The following NT5C3B variants were observed in gnomAD, a reference collection of about 807,000 sequenced individuals.
NT5C3B encodes the protein 5'-nucleotidase, cytosolic IIIB.
NT5C3B carries 28 observed loss-of-function variants against 32.5 expected under a neutral mutation model. The ratio of observed to expected loss-of-function variants is 0.86; its 90% CI spans 0.64 to 1.18. NT5C3B has a LOEUF of 1.18. NT5C3B is among the 50% of genes most tolerant of loss of function. The pLI is 0.00. For missense variants in NT5C3B, 317 were observed against 322.0 expected (o/e 0.98, Z 0.12); for synonymous variants, 138 against 118.0 (o/e 1.17, Z -1.10).
chr17:41,827,706 A>G, intron 7 of NT5C3B, 80 bp from the exon 8 acceptor site: 1 of 723,802 alleles, frequency 1.4e-6, no homozygotes, highest in South Asian at 1.6e-5. Context: ...TCTGTCACAG[A>G]GAAAAGGGAA....
chr17:41,832,893 T>A (rs965086209), intron 4 of NT5C3B, among the ~76,000 whole-genome samples: 1 of 152,184 alleles, frequency 6.6e-6, no homozygotes, highest in Non-Finnish European at 1.5e-5. Context: ...AAGATGCAAC[T>A]TCATCTAAGA....
chr17:41,825,644 C>T lies in NT5C3B; in HGVS notation c.782G>A (p.Arg261Gln), dbSNP rs149392224. The change falls in exon 9 of 9, where the codon CGG becomes CAG. Residue 261 changes from arginine to glutamine, a missense_variant. Arg to Gln is a conservative substitution (Grantham distance 43). Coordinates refer to ENST00000435506, the MANE Select transcript of NT5C3B (RefSeq NM_052935.5). Reference sequence around the variant, plus strand: ...GTCATAGGAGTCCATGTAGCGCTCCCGCCGCTCCTCCACCTGCCCGGAATG... The same window carrying T: ...GTCATAGGAGTCCATGTAGCGCTCCTGCCGCTCCTCCACCTGCCCGGAATG... ...GFLNDKVEER[R>Q]ERYMDSYDIV... 62 of 872,828 alleles carry T rather than the reference C, an allele frequency of 7.1e-5. No homozygotes were observed. Among genetic ancestry groups the T allele is most frequent in the Middle Eastern group, 2.2e-4 (1 of 4,612 alleles). 54.1% of individuals were successfully genotyped at this position (872,828 alleles called of 1,614,324 possible).
chr17:41,827,712 G>T (rs923391849), intron 7 of NT5C3B, 86 bp from the exon 8 acceptor site: 2 of 715,752 alleles, frequency 2.8e-6, no homozygotes, highest in Non-Finnish European at 5.1e-6. Context: ...ACAGAGAAAA[G>T]GGAATCCCAA....
At chr17:41,833,608 C>T (rs2048088831) in intron 4 of NT5C3B, among the ~76,000 whole-genome samples, 1 of 152,202 alleles carries the variant, frequency 6.6e-6, no homozygotes, top group Non-Finnish European at 1.5e-5. Context: ...CGTGAACCAC[C>T]ACACCCGGCC....
chr17:41,831,011 T>C (rs1354447543), intron 5 of NT5C3B, 121 bp from the exon 6 acceptor site: 3 of 699,142 alleles, frequency 4.3e-6, no homozygotes, highest in Non-Finnish European at 5.1e-6. Flanking sequence ...CATCCTTACG[T>C]TAGCTGCCCT....
rs1481573839 is a variant in NT5C3B, at chr17:41,825,084, G to A, written c.*439C>T. 1 of 157,474 alleles carries A rather than the reference G, an allele frequency of 6.4e-6. No homozygotes were observed. Among genetic ancestry groups the A allele is most frequent in the African/African-American group, 2.4e-5 (1 of 41,582 alleles). The allele number at this position is 157,474 out of a possible 1,614,324, so 9.8% of individuals were successfully genotyped here. ...GGATGGGGTCTCAGGCCAATTTGTG[G>A]TGGTTCTCAAACTGTGTTCCTAGAA... On this transcript the variant is annotated 3_prime_UTR_variant, in exon 9 of 9. Coordinates refer to ENST00000435506, the MANE Select transcript of NT5C3B (RefSeq NM_052935.5).
At chr17:41,834,123 A>G (rs1038120301) in intron 4 of NT5C3B, among the ~76,000 whole-genome samples, 1 of 152,084 alleles carries the variant, frequency 6.6e-6, no homozygotes, top group Admixed American at 6.6e-5. Context: ...AGGCTGGGCA[A>G]GATGGCTCAT....
At chr17:41,834,916 T>C (rs2048118903) in intron 4 of NT5C3B, among the ~76,000 whole-genome samples, 154 bp downstream of exon 4, 1 of 152,240 alleles carries the variant, frequency 6.6e-6, no homozygotes, top group Admixed American at 6.5e-5. Context: ...AAAAGCTGTC[T>C]TAATGTATTA....
At chr17:41,835,732 T>C (rs1597927434) in intron 2 of NT5C3B, 127 bp downstream of exon 2, 1 of 998,728 alleles carries the variant, frequency 1.0e-6, no homozygotes, top group South Asian at 1.4e-5. Flanking sequence ...TCCTTCAAGC[T>C]CCCGGCCATT....
chr17:41,832,918 A>G (rs976591042), intron 4 of NT5C3B, among the ~76,000 whole-genome samples: 4 of 152,030 alleles, frequency 2.6e-5, no homozygotes, highest in African/African-American at 9.7e-5. Context: ...GTTACATGAA[A>G]TTTTCTTCAA....
rs782389825 is a variant in NT5C3B at position 41,835,093 on chromosome 17, T to C, written c.205A>G (p.Ile69Val). Residue 69 changes from isoleucine (I) to valine (V), a missense_variant, in exon 4 of 9, where the codon ATC becomes GTC. Physicochemically the swap from Ile to Val is conservative, Grantham distance 29 (BLOSUM62 3). Transcript: ENST00000435506. The stretch of plus-strand genomic sequence containing the variant: ...ACCTCTTTCCGACACTCCTCACTGA[T>C]GATCTTGCTATTATCCAGAATATCT... ...SYNILDNSKI[I>V]SEECRKELTA... The C allele has an allele frequency of 6.2e-7, 1 of 1,614,208 alleles. No homozygotes were observed. Among genetic ancestry groups the C allele is most frequent in the Non-Finnish European group, 8.5e-7 (1 of 1,180,028 alleles).
intron 7 of NT5C3B, 171 bp downstream of exon 7, chr17:41,828,619 G>C (rs1394695303): frequency 3.3e-6 from 2 of 609,748 alleles, no homozygotes; most frequent in African/African-American, 1.8e-5. Context: ...TTACAGGTCT[G>C]AGCCACCGCG....
chr17:41,833,950 A>G (rs935524212), intron 4 of NT5C3B, among the ~76,000 whole-genome samples: 11 of 152,238 alleles, frequency 7.2e-5, no homozygotes, highest in Non-Finnish European at 1.5e-4. Context: ...TAATACATGC[A>G]TGATTCTCAG....
In NT5C3B at chr17:41,835,286, G is replaced by A. The variant is rs993620360; in HGVS notation, c.112-14C>T. ...ATCAGAAATCACCTATAAGGCAAAA[G>A]AGAGATGATGCCTAAATAGGCACCA... On this transcript the variant is annotated splice_polypyrimidine_tract_variant and intron_variant, in intron 2 of 8. Coordinates refer to ENST00000435506, the MANE Select transcript of NT5C3B (RefSeq NM_052935.5). 18 of 1,610,842 alleles carry A rather than the reference G, an allele frequency of 1.1e-5. No individual in the cohort carries two copies. The highest frequency in any genetic ancestry group is 2.2e-5 in the East Asian group (1 of 44,870).
In NT5C3B at chr17:41,825,583, G is replaced by T. The variant is rs1227989680; in HGVS notation, c.843C>A (p.Val281=). The change falls in exon 9 of 9, where the codon GTC becomes GTA. Residue 281 remains valine, a synonymous_variant. Transcript: ENST00000435506. ...ACAGGATGTGCTGCAGTAGCCCGTT[G>T]ACCACATCCAGAGTCTCGTCCTTCT... ...VLEKDETLDV[V]NGLLQHILCQ... 3 of 872,766 alleles carry T rather than the reference G, an allele frequency of 3.4e-6. No individual in the cohort carries two copies. The highest frequency in any genetic ancestry group is 6.0e-6 in the Non-Finnish European group (3 of 501,700). 54.1% of individuals were successfully genotyped at this position (872,766 alleles called of 1,614,324 possible).
intron 6 of NT5C3B, among the ~76,000 whole-genome samples, 168 bp from the exon 7 acceptor site, chr17:41,829,120 C>T (rs1218497927): frequency 2.6e-5 from 4 of 152,038 alleles, no homozygotes; most frequent in Non-Finnish European, 5.9e-5. Context: ...CTCCCGAGTT[C>T]AAGTGATCCA....
chr17:41,832,888 G>A (rs1429743997), intron 4 of NT5C3B, among the ~76,000 whole-genome samples: 1 of 152,106 alleles, frequency 6.6e-6, no homozygotes, highest in Non-Finnish European at 1.5e-5. Flanking sequence ...AAAAGAAGAT[G>A]CAACTTCATC....
Position 41,834,326 on chromosome 17 carries a change from G to A in NT5C3B, c.228+744C>T, listed in dbSNP as rs138386482. Among the ~76,000 whole-genome samples, 270 of 151,478 alleles carry A rather than the reference G, an allele frequency of 1.8e-3. 3 individuals carry two copies. Among genetic ancestry groups the A allele is most frequent in the African/African-American group, 6.2e-3 (257 of 41,300 alleles). On this transcript the variant is annotated intron_variant, in intron 4 of 8. Coordinates refer to ENST00000435506, the MANE Select transcript of NT5C3B (RefSeq NM_052935.5). ...CATGAGAATTGCTTGAACCGAGGTTGCAGTGAGCTGAGATTATGCCACTCC... is the reference window on the plus strand; with the variant it reads ...CATGAGAATTGCTTGAACCGAGGTTACAGTGAGCTGAGATTATGCCACTCC...
intron 1 of NT5C3B, 35 bp from the exon 2 acceptor site, chr17:41,835,992 C>A (rs1597928258): frequency 5.2e-6 from 8 of 1,529,152 alleles, no homozygotes; most frequent in East Asian, 2.5e-5. Context: ...CTGACCCCTG[C>A]GCCACGCTGG....
Sources: gnomAD v4.1 joint callset for allele counts (sites outside exome capture counted in the v4.1 genomes callset) on GRCh38, gnomAD v4.1.1 for gene constraint, MANE v1.5 for transcripts, NCBI Gene and HGNC (gene_info 2026-07-23, HGNC 2026-07-21) for gene names.